MTCL1: variants seen among roughly 807,000 people sequenced by gnomAD.
MTCL1 encodes the protein microtubule crosslinking factor 1, also known as microtubule cross-linking factor 1.
In MTCL1, 79 loss-of-function variants were observed where a neutral mutation model predicts 141.4. The ratio of observed to expected loss-of-function variants is 0.56; its 90% CI spans 0.47 to 0.67. The LOEUF (loss-of-function observed/expected upper bound fraction) is 0.67, where lower values mean the gene tolerates loss of function less well. Among genes scored for constraint, MTCL1 ranks in the 30% least tolerant of loss-of-function variants. MTCL1 has a pLI of 0.00. For synonymous variants in MTCL1, 914 were observed against 875.8 expected (o/e 1.04, Z -0.77); for missense variants, 2,177 against 2,113.9 (o/e 1.03, Z -0.59).
At chr18:8,772,701 T>A (rs2096489844) in intron 4 of MTCL1, among the ~76,000 whole-genome samples, 2 of 151,732 alleles carry the variant, frequency 1.3e-5, no homozygotes, top group Admixed American at 1.3e-4. Flanking sequence ...AATATAAATA[T>A]ATTTTAAGCA....
chr18:8,800,374 T>G (rs867594367), intron 10 of MTCL1: 1 of 152,218 alleles, frequency 6.6e-6, no homozygotes, highest in African/African-American at 2.4e-5. Context: ...CTTTGCTTTG[T>G]GACATATGGA....
chr18:8,746,025 A>G (rs1434257263), intron 4 of MTCL1, among the ~76,000 whole-genome samples: 1 of 152,238 alleles, frequency 6.6e-6, no homozygotes, highest in Non-Finnish European at 1.5e-5. Context: ...TTCGCTTAGC[A>G]TAATGTCCTG....
At chr18:8,784,710 T>A (rs765486583) in exon 6 of MTCL1, 10 of 1,614,206 alleles carry the variant, frequency 6.2e-6, no homozygotes, top group Non-Finnish European at 8.5e-6. Flanking sequence ...CTGGAGCAGG[T>A]GAACCGCATT....
intron 9 of MTCL1, 31 bp from the exon 9 acceptor site, chr18:8,798,066 A>G: frequency 6.5e-7 from 1 of 1,549,784 alleles, no homozygotes; most frequent in Non-Finnish European, 8.6e-7. Context: ...ATTTGGCTGA[A>G]GCTGTGATCG....
exon 17 of MTCL1, chr18:8,831,977 T>A (rs2077205512): frequency 1.3e-6 from 1 of 772,912 alleles, no homozygotes; most frequent in Non-Finnish European, 2.0e-6. Context: ...GTTTCTAGAA[T>A]GAAACAGTAA....
chr18:8,746,719 G>A (rs572131163), intron 4 of MTCL1, among the ~76,000 whole-genome samples: 1 of 152,338 alleles, frequency 6.6e-6, no homozygotes, highest in South Asian at 2.1e-4. Context: ...GTGCAGGAGA[G>A]AGGGGGTCTC....
intron 4 of MTCL1, among the ~76,000 whole-genome samples, chr18:8,769,856 G>C (rs2096477564): frequency 1.3e-5 from 2 of 151,416 alleles, no homozygotes; most frequent in South Asian, 4.1e-4. Flanking sequence ...ATAGTTTTCT[G>C]TCTTACTTTT....
chr18:8,803,378 T>A (rs1472528873), intron 10 of MTCL1, among the ~76,000 whole-genome samples: 1 of 152,150 alleles, frequency 6.6e-6, no homozygotes, highest in African/African-American at 2.4e-5. Flanking sequence ...TCAAAATTGA[T>A]GTGACATATA....
At chr18:8,796,505 C>T (rs2287501) in intron 9 of MTCL1, 43 bp downstream of exon 8, 203,123 of 1,593,172 alleles carry the variant, frequency 0.13, 13,925 homozygotes, top group Non-Finnish European at 0.14. Flanking sequence ...TCTGTTTTGT[C>T]CTTGACCCCA....
At chr18:8,774,955 G>A (rs925738787) in intron 4 of MTCL1, among the ~76,000 whole-genome samples, 3 of 152,116 alleles carry the variant, frequency 2.0e-5, no homozygotes, top group African/African-American at 7.2e-5. Flanking sequence ...ATAAGCAAGG[G>A]GAAGGGACAC....
chr18:8,789,741 G>A lies in MTCL1; in HGVS notation c.1888-3257G>A, dbSNP rs892393138. The A allele has an allele frequency of 9.2e-6, 9 of 982,592 alleles. No individual in the cohort carries two copies. The African/African-American group carries it at 1.4e-4, about 15-fold the overall frequency. 60.9% of individuals were successfully genotyped at this position (982,592 alleles called of 1,614,324 possible). ...ATCCTAGGTAAGTGAACAAAAAAAG[G>A]GTTTTTTTTAGAATCAAACCTTTGG... On this transcript the variant is annotated intron_variant, in intron 7 of 16. Coordinates refer to ENST00000359865, the Ensembl canonical transcript of MTCL1.
intron 4 of MTCL1, among the ~76,000 whole-genome samples, chr18:8,748,049 C>T (rs997807398): frequency 2.6e-5 from 4 of 152,134 alleles, no homozygotes; most frequent in African/African-American, 4.8e-5. Flanking sequence ...GTCCCCAGAC[C>T]ATACCCCTCA....
chr18:8,756,527 G>A (rs540323731), intron 4 of MTCL1, among the ~76,000 whole-genome samples: 2,098 of 139,216 alleles, frequency 0.015, 67 homozygotes, highest in African/African-American at 0.065. Flanking sequence ...GTGTATATAT[G>A]TGTGTGTATA....
rs34524200 is a variant in MTCL1 at position 8,728,720 on chromosome 18, C to CTTTTTTT, written c.357+8246_357+8252dup. Among the ~76,000 whole-genome samples, 485 of 59,082 alleles carry CTTTTTTT rather than the reference C, an allele frequency of 8.2e-3. 91 individuals carry two copies. The highest frequency in any genetic ancestry group is 0.02 in the African/African-American group (299 of 14,848). 38.8% of individuals were successfully genotyped at this position (59,082 alleles called of 152,430 possible). A position where few individuals can be genotyped will look rare whatever the true frequency, so the allele number is the denominator to read the frequency against. ...GTGGGGCCTTCTTATGTTGTCCATT[C>CTTTTTTT]TTTTTTTTTTTTTTTTTTTTTTTTT... On this transcript the variant is annotated intron_variant, in intron 4 of 16. Coordinates refer to ENST00000359865, the Ensembl canonical transcript of MTCL1.
intron 11 of MTCL1, among the ~76,000 whole-genome samples, chr18:8,807,570 A>G (rs1353126496): frequency 6.6e-6 from 1 of 152,230 alleles, no homozygotes; most frequent in Non-Finnish European, 1.5e-5. Flanking sequence ...CAGAAGAAAC[A>G]GCTCAGCTCA....
upstream of MTCL1, among the ~76,000 whole-genome samples, chr18:8,712,506 C>T (rs187953584): frequency 8.5e-5 from 13 of 152,322 alleles, no homozygotes; most frequent in Admixed American, 7.8e-4. Flanking sequence ...GGTGTCTCAG[C>T]GCCTCCTTGC....
At chr18:8,717,825 G>A (rs1441142775) in intron 1 of MTCL1, 3 of 885,820 alleles carry the variant, frequency 3.4e-6, no homozygotes, top group Non-Finnish European at 4.1e-6. Flanking sequence ...GGAGGTGTGG[G>A]AAAGTCAGAA....
intron 10 of MTCL1, chr18:8,800,549 G>A (rs1876220): frequency 0.56 from 84,837 of 152,158 alleles, 26,092 homozygotes; most frequent in Non-Finnish European, 0.69. Context: ...CTTCAGCCAC[G>A]TGAGCTCGCA....
At chr18:8,768,789 CTTTT>C (rs773958752) in intron 4 of MTCL1, among the ~76,000 whole-genome samples, 1 of 117,896 alleles carries the variant, frequency 8.5e-6, no homozygotes, top group Non-Finnish European at 1.7e-5. Context: ...CTTTTCTTCT[CTTTT>C]TTTTTTTTTT....
Sources: gnomAD v4.1 joint callset for allele counts (sites outside exome capture counted in the v4.1 genomes callset) on GRCh38, gnomAD v4.1.1 for gene constraint, MANE v1.5 for transcripts, NCBI Gene and HGNC (gene_info 2026-07-23, HGNC 2026-07-21) for gene names.